Variants in FNDC3B observed in about 807,000 individuals in gnomAD.
FNDC3B encodes the protein fibronectin type III domain containing 3B, also known as fibronectin type III domain-containing protein 3B.
A neutral mutation model predicts 151.5 loss-of-function variants in FNDC3B; 12 were observed. The ratio of observed to expected loss-of-function variants is 0.08; its 90% CI spans 0.05 to 0.13. The LOEUF is 0.13. Ranked by LOEUF, FNDC3B falls within the 10% of genes least tolerant of loss-of-function variation. The pLI, the probability that FNDC3B is intolerant of heterozygous loss-of-function variation, is 1.00. For synonymous variants in FNDC3B, 528 were observed against 549.0 expected (o/e 0.96, Z 0.54); for missense variants, 1,214 against 1,505.3 (o/e 0.81, Z 3.20).
In FNDC3B at chr3:172,112,847, A is replaced by G. The variant is rs544281717; in HGVS notation, c.111+257A>G. On this transcript the variant is annotated intron_variant, in intron 2 of 25. Coordinates refer to ENST00000415807, the MANE Select transcript of FNDC3B (RefSeq NM_022763.4). ...GAAGTGAGTCATTTTCAGACTGCAT[A>G]AAAGTCTTCGAAATAAAATGACTGT... Among the ~76,000 whole-genome samples, 220 of 152,354 alleles carry G rather than the reference A, an allele frequency of 1.4e-3. 1 individual carries two copies. The highest frequency in any genetic ancestry group is 5.1e-3 in the African/African-American group (212 of 41,578).
intron 4 of FNDC3B, among the ~76,000 whole-genome samples, chr3:172,239,867 T>C (rs1727400275): frequency 2.7e-5 from 2 of 75,064 alleles, no homozygotes; most frequent in African/African-American, 8.9e-5. Context: ...TTTTTTTTTT[T>C]TTTTTTTTTT....
chr3:172,396,556 A>G (rs1225962696), intron 25 of FNDC3B, among the ~76,000 whole-genome samples: 2 of 152,216 alleles, frequency 1.3e-5, no homozygotes, highest in Admixed American at 1.3e-4. Flanking sequence ...GCCGGGTACC[A>G]GTACTGGTGA....
At chr3:172,083,062 A>G (rs539839585) in intron 1 of FNDC3B, among the ~76,000 whole-genome samples, 1 of 152,330 alleles carries the variant, frequency 6.6e-6, no homozygotes, top group East Asian at 1.9e-4. Flanking sequence ...GCTTACCAAG[A>G]ACAACATCTC....
At chr3:172,316,862 A>G (rs1731810434) in intron 11 of FNDC3B, among the ~76,000 whole-genome samples, 1 of 152,244 alleles carries the variant, frequency 6.6e-6, no homozygotes, top group Non-Finnish European at 1.5e-5. Context: ...GAGACTGGTT[A>G]CTTTATAAAG....
intron 7 of FNDC3B, 141 bp downstream of exon 7, chr3:172,286,125 C>A: frequency 1.6e-6 from 1 of 634,908 alleles, no homozygotes; most frequent in South Asian, 1.9e-5. Context: ...AAATAGTGTT[C>A]GGTTCAGTTA....
intron 25 of FNDC3B, among the ~76,000 whole-genome samples, chr3:172,392,198 G>C (rs148483921): frequency 6.6e-6 from 1 of 152,198 alleles, no homozygotes; most frequent in Admixed American, 6.5e-5. Flanking sequence ...TCTCAGGACC[G>C]TAAGGGGTTT....
chr3:172,277,244 G>C (rs552092558), intron 6 of FNDC3B, among the ~76,000 whole-genome samples: 2 of 152,274 alleles, frequency 1.3e-5, no homozygotes, highest in African/African-American at 4.8e-5. Flanking sequence ...TAGGTGTTTT[G>C]CTATAATTAT....
chr3:172,337,443 GCT>G (rs1733043068), intron 16 of FNDC3B, 42 bp downstream of exon 16: 1 of 1,277,422 alleles, frequency 7.8e-7, no homozygotes, highest in South Asian at 1.2e-5. Context: ...CCAATAGCAA[GCT>G]CTGTTTTCTA....
intron 23 of FNDC3B, among the ~76,000 whole-genome samples, chr3:172,377,695 A>G (rs546348189): frequency 2.2e-4 from 33 of 152,284 alleles, no homozygotes; most frequent in African/African-American, 7.7e-4. Context: ...TTCTGAACAC[A>G]GCATTTTTTT....
chr3:172,112,449 C>T lies in FNDC3B; in HGVS notation c.-28-3C>T. ...TTTTTAAAAAGCGGCGGTTCTCTTGCAGGAAGCCAGTTGAGGGAAGTTCTC... is the reference window on the plus strand; with the variant it reads ...TTTTTAAAAAGCGGCGGTTCTCTTGTAGGAAGCCAGTTGAGGGAAGTTCTC... On this transcript the variant is annotated splice_region_variant and splice_polypyrimidine_tract_variant and intron_variant, in intron 1 of 25. Coordinates refer to ENST00000415807, the MANE Select transcript of FNDC3B (RefSeq NM_022763.4). The T allele has an allele frequency of 1.3e-6, 2 of 1,504,494 alleles. No individual in the cohort carries two copies. Among genetic ancestry groups the T allele is most frequent in the Non-Finnish European group, 1.9e-6 (2 of 1,079,964 alleles). 93.2% of individuals were successfully genotyped at this position (1,504,494 alleles called of 1,614,324 possible).
intron 1 of FNDC3B, among the ~76,000 whole-genome samples, chr3:172,100,716 G>A (rs1287400492): frequency 6.6e-6 from 1 of 152,066 alleles, no homozygotes; most frequent in African/African-American, 2.4e-5. Context: ...GTAACACCTG[G>A]TATTTGCTTT....
chr3:172,234,024 G>A lies in FNDC3B; in HGVS notation c.264+7077G>A, dbSNP rs141832780. 6.3e-4 allele frequency among the ~76,000 whole-genome samples: 96 copies of A among 152,302 alleles called. 1 individual carries two copies. Among genetic ancestry groups the A allele is most frequent in the Admixed American group, 2.4e-3 (36 of 15,300 alleles). On this transcript the variant is annotated intron_variant, in intron 4 of 25. Transcript: ENST00000415807. ...ACAGGGTTGGCAATGCTAAATTAAA[G>A]AAATGTACCAAGGACATCCCCTCCC...
rs1736384446 is a variant in FNDC3B, at chr3:172,398,048, G to A, written c.*573G>A. ...GTTTAGCTCATTTAAATCAAAATGTGTACTTTAATCTAAAATGTTTTAATA... is the reference window on the plus strand; with the variant it reads ...GTTTAGCTCATTTAAATCAAAATGTATACTTTAATCTAAAATGTTTTAATA... On this transcript the variant is annotated 3_prime_UTR_variant, in exon 26 of 26. Transcript: ENST00000415807. The A allele has an allele frequency of 6.6e-6, 1 of 152,518 alleles. No homozygotes were observed. Among genetic ancestry groups the A allele is most frequent in the East Asian group, 1.9e-4 (1 of 5,196 alleles). 9.4% of individuals were successfully genotyped at this position (152,518 alleles called of 1,614,324 possible). A position where few individuals can be genotyped will look rare whatever the true frequency, so the allele number is the denominator to read the frequency against.
chr3:172,347,114 C>A, intron 20 of FNDC3B, 98 bp from the exon 21 acceptor site: 2 of 1,005,594 alleles, frequency 2.0e-6, no homozygotes, highest in Non-Finnish European at 2.9e-6. Context: ...TATTCTGGGG[C>A]ATGTTGCTCT....
rs1216817848 is a variant in FNDC3B at position 172,352,774 on chromosome 3, G to T, written c.2515-29G>T. Reference sequence around the variant, plus strand: ...TCAAAATGTGCTAATGGTGTAATATGGCCTTTGTCTTGCTGTTCTGTTTTG... The same window carrying T: ...TCAAAATGTGCTAATGGTGTAATATTGCCTTTGTCTTGCTGTTCTGTTTTG... On this transcript the variant is annotated intron_variant, in intron 21 of 25. Coordinates refer to ENST00000415807, the MANE Select transcript of FNDC3B (RefSeq NM_022763.4). This position sits in a 1 kb window ranked among gnomAD's most constrained non-coding sequence, Gnocchi z 4.2. 1.2e-6 allele frequency: 2 copies of T among 1,604,334 alleles called. No individual in the cohort carries two copies. Among genetic ancestry groups the T allele is most frequent in the African/African-American group, 2.7e-5 (2 of 74,636 alleles).
intron 6 of FNDC3B, among the ~76,000 whole-genome samples, chr3:172,283,796 G>C (rs1576871508): frequency 6.6e-6 from 1 of 152,128 alleles, no homozygotes; most frequent in South Asian, 2.1e-4. Context: ...TACTTAGCAG[G>C]GGCTTCCAGA....
At chr3:172,298,275 C>T (rs1042029656) in intron 8 of FNDC3B, among the ~76,000 whole-genome samples, 5 of 152,082 alleles carry the variant, frequency 3.3e-5, no homozygotes, top group Non-Finnish European at 7.3e-5. Context: ...GCTATTTGTT[C>T]GGTGCATTGG....
intron 5 of FNDC3B, among the ~76,000 whole-genome samples, chr3:172,249,021 A>G (rs1727931561): frequency 6.6e-6 from 1 of 152,078 alleles, no homozygotes; most frequent in Non-Finnish European, 1.5e-5. Context: ...TCTTTTTTCC[A>G]TGCGACACAC....
chr3:172,086,643 T>G (rs922260134), intron 1 of FNDC3B, among the ~76,000 whole-genome samples: 5 of 152,232 alleles, frequency 3.3e-5, no homozygotes, highest in African/African-American at 1.2e-4. Context: ...ATAATCTTTA[T>G]AAAATTGGGA....
Sources: allele counts gnomAD v4.1 joint callset (sites outside exome capture counted in the v4.1 genomes callset), GRCh38; gene constraint gnomAD v4.1.1; non-coding constraint Gnocchi (gnomAD v3.1); transcripts MANE v1.5; gene names NCBI Gene and HGNC (gene_info 2026-07-23, HGNC 2026-07-21).